NELL1: variants seen among roughly 807,000 people sequenced by gnomAD.
NELL1 encodes protein kinase C-binding protein NELL1.
NELL1 carries 76 observed loss-of-function variants against 107.4 expected under a neutral mutation model. That is an observed-to-expected ratio of 0.71 (90% CI 0.59 to 0.86). NELL1 has a LOEUF of 0.86. Among genes scored for constraint, NELL1 ranks in the 40% least tolerant of loss-of-function variants. The pLI, the probability that NELL1 is intolerant of heterozygous loss-of-function variation, is 0.00. For synonymous variants in NELL1, 353 were observed against 341.2 expected, an observed-to-expected ratio of 1.03 and a Z score of -0.38; for missense variants, 1,024 against 1,005.5, an observed-to-expected ratio of 1.02 and a Z score of -0.25.
At chr11:21,270,004 T>G (rs888784100) in intron 14 of NELL1, among the ~76,000 whole-genome samples, 2 of 152,016 alleles carry the variant, frequency 1.3e-5, no homozygotes, top group African/African-American at 4.8e-5. Flanking sequence ...TAATTATAAA[T>G]GTATATTGAA....
intron 3 of NELL1, among the ~76,000 whole-genome samples, chr11:20,790,481 A>G (rs1015584736): frequency 1.3e-5 from 2 of 152,192 alleles, no homozygotes; most frequent in African/African-American, 2.4e-5. Flanking sequence ...TTCTGAGCCT[A>G]CAAGTGCAGT....
In NELL1 at chr11:21,162,391, A is replaced by G. The variant is rs114614217; in HGVS notation, c.1426+48677A>G. 5.6e-3 allele frequency among the ~76,000 whole-genome samples: 849 copies of G among 152,308 alleles called. 8 individuals are homozygous for G. Among genetic ancestry groups the G allele is most frequent in the African/African-American group, 0.019 (802 of 41,568 alleles). On this transcript the variant is annotated intron_variant, in intron 13 of 19. Coordinates refer to ENST00000357134, the MANE Select transcript of NELL1 (RefSeq NM_006157.5). The stretch of plus-strand genomic sequence containing the variant: ...TTGGGATTGAGTGCCTCTCAGTATA[A>G]GTGGGAGAAACAAGAGGTCAGGAAA...
chr11:21,050,289 A>G (rs4923291), intron 12 of NELL1, among the ~76,000 whole-genome samples: 57,967 of 151,490 alleles, frequency 0.38, 13,967 homozygotes, highest in African/African-American at 0.68. Flanking sequence ...CTTTTTTTTA[A>G]CAGCTTCAAT....
chr11:21,408,943 G>A (rs1345852151), intron 15 of NELL1, among the ~76,000 whole-genome samples: 31 of 151,896 alleles, frequency 2.0e-4, no homozygotes, highest in South Asian at 2.1e-4. Flanking sequence ...AGGTGCTGGA[G>A]AGGATGTGGA....
chr11:21,502,995 G>T (rs1199040152), intron 15 of NELL1, among the ~76,000 whole-genome samples: 1 of 152,096 alleles, frequency 6.6e-6, no homozygotes, highest in African/African-American at 2.4e-5. Context: ...TGATTCTCCT[G>T]CCTCAACCTC....
intron 5 of NELL1, among the ~76,000 whole-genome samples, chr11:20,913,177 A>G (rs1850170026): frequency 6.6e-6 from 1 of 152,144 alleles, no homozygotes; most frequent in East Asian, 1.9e-4. Context: ...AGTCCCTGCC[A>G]GTTTATAAAC....
intron 15 of NELL1, among the ~76,000 whole-genome samples, chr11:21,467,092 G>A (rs1019044145): frequency 6.6e-6 from 1 of 152,058 alleles, no homozygotes; most frequent in Non-Finnish European, 1.5e-5. Context: ...TATTGTTGTT[G>A]TTAGGAGCTT....
intron 13 of NELL1, among the ~76,000 whole-genome samples, chr11:21,204,784 T>C (rs1857352598): frequency 6.6e-6 from 1 of 152,034 alleles, no homozygotes; most frequent in Non-Finnish European, 1.5e-5. Context: ...TTGGAGACCT[T>C]TGGATGGGGT....
chr11:20,870,190 G>T (rs929053100), intron 4 of NELL1, among the ~76,000 whole-genome samples: 3 of 152,136 alleles, frequency 2.0e-5, no homozygotes, highest in Admixed American at 6.5e-5. Flanking sequence ...CCAGGAAAAG[G>T]AAATGATTTG....
rs991670895 is a variant in NELL1 at position 20,679,452 on chromosome 11, T to C, written c.184+1392T>C. On this transcript the variant is annotated intron_variant, in intron 2 of 19. Coordinates refer to ENST00000357134, the MANE Select transcript of NELL1 (RefSeq NM_006157.5). ...GAGATTTACATATTTACAGTGCAGA[T>C]AACTTAAGACTTGTTAGTGATATGT... 2.0e-5 allele frequency among the ~76,000 whole-genome samples: 3 copies of C among 152,214 alleles called. No homozygotes were observed. In the South Asian group the frequency reaches 6.2e-4, roughly 31 times the overall value.
At chr11:21,055,429 T>C (rs1853589237) in intron 12 of NELL1, among the ~76,000 whole-genome samples, 1 of 152,162 alleles carries the variant, frequency 6.6e-6, no homozygotes, top group Non-Finnish European at 1.5e-5. Flanking sequence ...AACGCTTTTA[T>C]GTGAACACAG....
At chr11:20,760,074 T>C (rs549780337) in intron 2 of NELL1, among the ~76,000 whole-genome samples, 7 of 152,242 alleles carry the variant, frequency 4.6e-5, no homozygotes, top group Middle Eastern at 3.4e-3. Flanking sequence ...CTCCCTTTCC[T>C]CTCCCCAGAT....
At chr11:21,295,093 G>A (rs1198620082) in intron 14 of NELL1, among the ~76,000 whole-genome samples, 1 of 151,980 alleles carries the variant, frequency 6.6e-6, no homozygotes, top group African/African-American at 2.4e-5. Flanking sequence ...CTTACCATAT[G>A]TCAGGTATGG....
At chr11:21,371,966 T>A (rs1261379724) in intron 15 of NELL1, among the ~76,000 whole-genome samples, 1 of 152,094 alleles carries the variant, frequency 6.6e-6, no homozygotes, top group Non-Finnish European at 1.5e-5. Context: ...TGCCTGTATA[T>A]TTATGAGGCA....
chr11:20,938,622 T>C (rs1850777748), intron 10 of NELL1, among the ~76,000 whole-genome samples: 1 of 152,102 alleles, frequency 6.6e-6, no homozygotes, highest in South Asian at 2.1e-4. Context: ...GCCATGCAGG[T>C]ATTTGGGTGA....
At chr11:21,407,589 A>C (rs1945436) in intron 15 of NELL1, among the ~76,000 whole-genome samples, 57,646 of 150,772 alleles carry the variant, frequency 0.38, 11,968 homozygotes, top group Non-Finnish European at 0.47. Flanking sequence ...TAGTTACTTA[A>C]CTCTACTCCT....
chr11:20,998,942 G>A (rs1308063603), intron 12 of NELL1, among the ~76,000 whole-genome samples: 2 of 152,096 alleles, frequency 1.3e-5, no homozygotes, highest in Admixed American at 1.3e-4. Context: ...GGAATCAGAC[G>A]AAGGGTGACT....
chr11:21,142,316 A>G (rs1855886484), intron 13 of NELL1, among the ~76,000 whole-genome samples: 1 of 152,212 alleles, frequency 6.6e-6, no homozygotes, highest in Non-Finnish European at 1.5e-5. Flanking sequence ...GGACTGGTCC[A>G]TTCAATACTG....
chr11:20,863,991 G>T lies in NELL1; in HGVS notation c.506+16238G>T, dbSNP rs529965083. ...GGCGTGGCGGCGCGCGCCTGCAATCGCAGGCACTCGGCAGGCTGAGGCAGG... is the reference window on the plus strand; with the variant it reads ...GGCGTGGCGGCGCGCGCCTGCAATCTCAGGCACTCGGCAGGCTGAGGCAGG... On this transcript the variant is annotated intron_variant, in intron 4 of 19. Coordinates refer to ENST00000357134, the MANE Select transcript of NELL1 (RefSeq NM_006157.5). 5.9e-5 allele frequency among the ~76,000 whole-genome samples: 9 copies of T among 152,230 alleles called. No individual in the cohort carries two copies. In the South Asian group the frequency reaches 1.9e-3, roughly 32 times the overall value.
Sources: allele counts gnomAD v4.1 joint callset (sites outside exome capture counted in the v4.1 genomes callset), GRCh38; gene constraint gnomAD v4.1.1; transcripts MANE v1.5; gene names NCBI Gene and HGNC (gene_info 2026-07-23, HGNC 2026-07-21).